The following MIPOL1 variants were observed in gnomAD, a reference collection of about 807,000 sequenced individuals.
MIPOL1 encodes mirror-image polydactyly 1.
Under a neutral mutation model 60.9 loss-of-function variants are expected in MIPOL1, and 57 were observed. That is an observed-to-expected ratio of 0.94 (90% CI 0.76 to 1.17). The LOEUF is 1.17. MIPOL1 is among the 50% of genes most tolerant of loss of function. The pLI, the probability that MIPOL1 is intolerant of heterozygous loss-of-function variation, is 0.00. For missense variants in MIPOL1, 551 were observed against 511.6 expected (o/e 1.08, Z -0.74); for synonymous variants, 179 against 168.8 (o/e 1.06, Z -0.47).
At chr14:37,489,025 A>T (rs550382484) in intron 11 of MIPOL1, among the ~76,000 whole-genome samples, 1 of 152,308 alleles carries the variant, frequency 6.6e-6, no homozygotes, top group African/African-American at 2.4e-5. Context: ...TAATATCCTA[A>T]AGAGTGTTTT....
intron 12 of MIPOL1, among the ~76,000 whole-genome samples, chr14:37,513,244 T>A (rs1038471810): frequency 1.3e-5 from 2 of 152,140 alleles, no homozygotes; most frequent in African/African-American, 4.8e-5. Flanking sequence ...ATATGTCATC[T>A]CATACTCTGT....
intron 9 of MIPOL1, among the ~76,000 whole-genome samples, chr14:37,356,526 T>G (rs1280415844): frequency 6.6e-6 from 1 of 152,190 alleles, no homozygotes; most frequent in Non-Finnish European, 1.5e-5. Context: ...CCTTGCAGTT[T>G]GATCTCAGAC....
At chr14:37,494,883 G>A (rs1356034666) in intron 11 of MIPOL1, among the ~76,000 whole-genome samples, 2 of 152,110 alleles carry the variant, frequency 1.3e-5, no homozygotes, top group Non-Finnish European at 2.9e-5. Flanking sequence ...GTAATTAACA[G>A]GTTTCCAAGG....
chr14:37,267,014 G>A lies in MIPOL1; in HGVS notation c.96G>A (p.Met32Ile). The change falls in exon 4 of 13, where the codon ATG becomes ATA. Residue 32 changes from methionine (M) to isoleucine (I), a missense_variant. Met to Ile is a conservative substitution (Grantham distance 10, BLOSUM62 1). Coordinates refer to ENST00000684589, the MANE Select transcript of MIPOL1 (RefSeq NM_001388067.1). ...CGCAGCCAGATGAGCAACTGACTAT[G>A]AATTCTGAGAAAAGTATGCATCGGA... ...KSTQPDEQLT[M>I]NSEKSMHRKS... The A allele has an allele frequency of 1.9e-6, 3 of 1,613,898 alleles. No individual in the cohort carries two copies. The highest frequency in any genetic ancestry group is 1.1e-5 in the South Asian group (1 of 91,078).
intron 11 of MIPOL1, among the ~76,000 whole-genome samples, chr14:37,488,703 A>G (rs1276739137): frequency 1.3e-5 from 2 of 152,092 alleles, no homozygotes; most frequent in Admixed American, 6.6e-5. Flanking sequence ...ATGAAACTTC[A>G]TTTGGCTGGA....
rs149960475 is a variant in MIPOL1 at position 37,482,802 on chromosome 14, G to A, written c.1032-17106G>A. On this transcript the variant is annotated intron_variant, in intron 11 of 12. Coordinates refer to ENST00000684589, the MANE Select transcript of MIPOL1 (RefSeq NM_001388067.1). ...AAAAGACAAAAGTTAACAAGTGTCA[G>A]TGAGGATATGGAGAAAAGGGAACCC... is the stretch of plus-strand genomic sequence containing the variant. Among the ~76,000 whole-genome samples the A allele has an allele frequency of 3.9e-5, 6 of 152,258 alleles. No individual in the cohort carries two copies. The East Asian group carries it at 1.2e-3, about 29-fold the overall frequency.
intron 12 of MIPOL1, among the ~76,000 whole-genome samples, chr14:37,515,636 T>C (rs2153627631): frequency 6.6e-6 from 1 of 152,306 alleles, no homozygotes; most frequent in South Asian, 2.1e-4. Context: ...TGAAAAATCT[T>C]TCTTAAGTTA....
In MIPOL1 at chr14:37,312,614, A is replaced by G. The variant is rs549972052; in HGVS notation, c.828+4095A>G. Among the ~76,000 whole-genome samples the G allele has an allele frequency of 5.3e-5, 8 of 152,282 alleles. No homozygotes were observed. The East Asian group carries it at 1.5e-3, about 29-fold the overall frequency. ...TTTACTTTAATTGACCTAGTTAAAA[A>G]TGTTATCTTTTTCAGATAAATCCTT... On this transcript the variant is annotated intron_variant, in intron 9 of 12. Transcript: ENST00000684589.
intron 11 of MIPOL1, among the ~76,000 whole-genome samples, chr14:37,461,832 C>A (rs1293330266): frequency 6.6e-6 from 1 of 152,210 alleles, no homozygotes; most frequent in East Asian, 1.9e-4. Flanking sequence ...TTCCCAGAGT[C>A]TCAGGCAGCT....
intron 9 of MIPOL1, among the ~76,000 whole-genome samples, chr14:37,319,715 T>G (rs2088341994): frequency 6.6e-6 from 1 of 152,130 alleles, no homozygotes; most frequent in Non-Finnish European, 1.5e-5. Flanking sequence ...TTGATGAATT[T>G]TTATATATGT....
chr14:37,221,356 A>G (rs1159941741), intron 1 of MIPOL1, among the ~76,000 whole-genome samples: 8 of 152,208 alleles, frequency 5.3e-5, no homozygotes, highest in Non-Finnish European at 1.0e-4. Context: ...TGATAATGTT[A>G]TTAATCCATT....
intron 9 of MIPOL1, among the ~76,000 whole-genome samples, chr14:37,309,405 T>C (rs2087099804): frequency 6.6e-6 from 1 of 152,138 alleles, no homozygotes; most frequent in South Asian, 2.1e-4. Flanking sequence ...TCTCTTGTTT[T>C]GTTAAAATTT....
At chr14:37,327,706 T>C (rs73257977) in intron 9 of MIPOL1, among the ~76,000 whole-genome samples, 348 of 152,276 alleles carry the variant, frequency 2.3e-3, no homozygotes, top group African/African-American at 7.6e-3. Context: ...TGAAGGTGCT[T>C]GGGACAGTGT....
At chr14:37,299,465 A>T (rs2086160973) in intron 7 of MIPOL1, among the ~76,000 whole-genome samples, 1 of 17,992 alleles carries the variant, frequency 5.6e-5, no homozygotes, top group Non-Finnish European at 4.3e-4. Context: ...AAAAAATAAA[A>T]ATTACTCTAC....
At chr14:37,447,847 C>T (rs898013408) in intron 11 of MIPOL1, among the ~76,000 whole-genome samples, 1 of 151,948 alleles carries the variant, frequency 6.6e-6, no homozygotes, top group South Asian at 2.1e-4. Context: ...TTATTTTGCT[C>T]AAAGAACTTA....
At chr14:37,346,997 A>G (rs1327519065) in intron 9 of MIPOL1, among the ~76,000 whole-genome samples, 1 of 152,208 alleles carries the variant, frequency 6.6e-6, no homozygotes, top group African/African-American at 2.4e-5. Context: ...CCACAAAGTC[A>G]TTAAGATGTA....
chr14:37,525,344 G>A (rs937638115), intron 12 of MIPOL1, among the ~76,000 whole-genome samples: 2 of 152,078 alleles, frequency 1.3e-5, no homozygotes, highest in African/African-American at 4.8e-5. Context: ...CTCCGACTTG[G>A]GTGAATCAAG....
chr14:37,272,507 G>A (rs760968112), intron 6 of MIPOL1, among the ~76,000 whole-genome samples: 1 of 151,498 alleles, frequency 6.6e-6, no homozygotes, highest in Non-Finnish European at 1.5e-5. Context: ...CCCATTTTAT[G>A]TATGGTCTTA....
chr14:37,231,801 CG>C (rs1201800455), intron 1 of MIPOL1, among the ~76,000 whole-genome samples: 1 of 151,914 alleles, frequency 6.6e-6, no homozygotes, highest in Non-Finnish European at 1.5e-5. Flanking sequence ...CCCTACAGGC[CG>C]GGAGTAGTGG....
Sources: allele counts gnomAD v4.1 joint callset (sites outside exome capture counted in the v4.1 genomes callset), GRCh38; gene constraint gnomAD v4.1.1; transcripts MANE v1.5; gene names NCBI Gene and HGNC (gene_info 2026-07-23, HGNC 2026-07-21).